IFT172: variants seen among roughly 807,000 people sequenced by gnomAD.
IFT172 encodes intraflagellar transport protein 172 homolog.
IFT172 carries 164 observed loss-of-function variants against 248.9 expected under a neutral mutation model. That is an observed-to-expected ratio of 0.66 (90% CI 0.58 to 0.75). The LOEUF (loss-of-function observed/expected upper bound fraction) is 0.75. Ranked by LOEUF, IFT172 falls within the 30% of genes least tolerant of loss-of-function variation. The pLI, the probability that IFT172 is intolerant of heterozygous loss-of-function variation, is 0.00. For synonymous variants in IFT172, 729 were observed against 791.6 expected, an observed-to-expected ratio of 0.92 and a Z score of 1.33; for missense variants, 1,950 against 2,192.4, an observed-to-expected ratio of 0.89 and a Z score of 2.21.
chr2:27,449,995 T>C lies in IFT172; in HGVS notation c.4050+3A>G, dbSNP rs1365187936. 1.2e-6 allele frequency: 2 copies of C among 1,608,302 alleles called. No individual in the cohort carries two copies. The highest frequency in any genetic ancestry group is 8.5e-7 in the Non-Finnish European group (1 of 1,174,884). The stretch of plus-strand genomic sequence containing the variant: ...TTCTGTTCCATCTCAGCATCCTACT[T>C]ACTGCACTGTGCTTTCCAATTCCAA... On this transcript the variant is annotated splice_donor_region_variant and intron_variant, in intron 36 of 47. Transcript: ENST00000260570.
In IFT172 at chr2:27,465,799, C is replaced by A; in HGVS notation, c.1776G>T (p.Leu592Phe). ...MEGVTTVAYT[L>F]DEGLIEFGTA... Reference sequence around the variant, plus strand: ...TTCCAAACTCGATGAGGCCCTCATCCAATGTGTAGGCAACAGTAGTCACAC... The same window carrying A: ...TTCCAAACTCGATGAGGCCCTCATCAAATGTGTAGGCAACAGTAGTCACAC... The change falls in exon 17 of 48, where the codon TTG (leucine) becomes TTT (phenylalanine). Residue 592 changes from leucine to phenylalanine, a missense_variant. Coordinates refer to ENST00000260570, the MANE Select transcript of IFT172 (RefSeq NM_015662.3). 6.2e-7 allele frequency: 1 copy of A among 1,614,102 alleles called. No homozygotes were observed. Among genetic ancestry groups the A allele is most frequent in the South Asian group, 1.1e-5 (1 of 91,076 alleles).
At chr2:27,479,880 C>T (rs186146957) in intron 9 of IFT172, 146 bp downstream of exon 9, 2 of 1,179,256 alleles carry the variant, frequency 1.7e-6, no homozygotes, top group East Asian at 2.6e-5. Flanking sequence ...TTTCTCTTTC[C>T]TGCCTTTAAT....
rs200049734 is a variant in IFT172, at chr2:27,445,296, C to T, written c.5068G>A (p.Gly1690Arg). Residue 1690 changes from glycine (G) to arginine (R), a missense_variant and splice_region_variant, in exon 46 of 48, where the codon GGA becomes AGA. Physicochemically the swap from Gly to Arg is moderately radical, Grantham distance 125. This residue lies in a region of IFT172 where 620 missense variants were observed against 699.0 expected (regional missense o/e 0.89). Coordinates refer to ENST00000260570, the MANE Select transcript of IFT172 (RefSeq NM_015662.3). The surrounding 1 kb of genome is among the most constrained non-coding windows in gnomAD (Gnocchi z 4.4). ...GVRALPCLIT[G>R]YPILRNKIEF... is the part of the protein sequence containing the mutation. ...TCTGGGGTGCTGTAGGCTTCTATACCTGTAATAAGGCAGGGCAGGGCTCGA... is the reference window on the plus strand; with the variant it reads ...TCTGGGGTGCTGTAGGCTTCTATACTTGTAATAAGGCAGGGCAGGGCTCGA... 1 of 1,610,758 alleles carries T rather than the reference C, an allele frequency of 6.2e-7. No homozygotes were observed.
At position 27,482,143 on chromosome 2, in the gene IFT172, C is replaced by T. The variant is rs538672820; in HGVS notation, c.571-883G>A. On this transcript the variant is annotated intron_variant, in intron 7 of 47. Coordinates refer to ENST00000260570, the MANE Select transcript of IFT172 (RefSeq NM_015662.3). Reference sequence around the variant, plus strand: ...GATTCCGGGCACGTTCCACCATGCCCGGCTAATTTTTATATTTTTAGTAGA... The same window carrying T: ...GATTCCGGGCACGTTCCACCATGCCTGGCTAATTTTTATATTTTTAGTAGA... 3.0e-4 allele frequency among the ~76,000 whole-genome samples: 45 copies of T among 151,204 alleles called. No individual in the cohort carries two copies. The East Asian group carries it at 7.9e-3, about 27-fold the overall frequency.
At chr2:27,482,481 C>T (rs934634786) in intron 7 of IFT172, among the ~76,000 whole-genome samples, 3 of 151,944 alleles carry the variant, frequency 2.0e-5, no homozygotes, top group South Asian at 4.2e-4. Context: ...TTAGTAGAGA[C>T]GGGTTTCACG....
intron 3 of IFT172, 140 bp downstream of exon 3, chr2:27,484,877 CA>C: frequency 1.6e-6 from 1 of 641,582 alleles, no homozygotes; most frequent in Non-Finnish European, 2.8e-6. Context: ...GGCAGAAAAG[CA>C]AAAACAGACT....
chr2:27,460,743 C>T (rs957790779), intron 23 of IFT172, among the ~76,000 whole-genome samples: 11 of 122,842 alleles, frequency 9.0e-5, no homozygotes, highest in Non-Finnish European at 1.7e-4. Context: ...GACACATCCC[C>T]CTCTTTGAGA....
intron 7 of IFT172, among the ~76,000 whole-genome samples, chr2:27,482,766 T>C (rs541445937): frequency 1.4e-4 from 21 of 152,284 alleles, no homozygotes; most frequent in Middle Eastern, 3.4e-3. Context: ...TTCATTACTC[T>C]AAGAGTTTTT....
intron 40 of IFT172, 25 bp from the exon 41 acceptor site, chr2:27,447,947 T>C: frequency 1.7e-4 from 216 of 1,246,000 alleles, no homozygotes; most frequent in Non-Finnish European, 2.3e-4. Context: ...AAGAAGGGGA[T>C]CTGAGAAGGG....
chr2:27,452,069 T>G (rs1331890106), intron 35 of IFT172, among the ~76,000 whole-genome samples: 1 of 152,092 alleles, frequency 6.6e-6, no homozygotes, highest in African/African-American at 2.4e-5. Context: ...TGGTCAAACA[T>G]TATTCTGGGT....
rs1320393372 is a variant in IFT172, at chr2:27,447,410, T to C, written c.4659+105A>G. 3.4e-5 allele frequency: 50 copies of C among 1,479,326 alleles called. 1 individual carries two copies. Among genetic ancestry groups the C allele is most frequent in the Non-Finnish European group, 4.6e-5 (50 of 1,096,808 alleles). The allele number at this position is 1,479,326 out of a possible 1,614,324, so 91.6% of individuals were successfully genotyped here. A position where few individuals can be genotyped will look rare whatever the true frequency, so the allele number is the denominator to read the frequency against. Reference sequence around the variant, plus strand: ...AGAAGCTGAAAGACAGGTGGGGAGATTCAAGAGCCCAAGCTGAAGAATCCA... The same window carrying C: ...AGAAGCTGAAAGACAGGTGGGGAGACTCAAGAGCCCAAGCTGAAGAATCCA... On this transcript the variant is annotated intron_variant, in intron 42 of 47. Transcript: ENST00000260570.
intron 18 of IFT172, among the ~76,000 whole-genome samples, chr2:27,464,131 C>CAAGGATGG (rs1666899614): frequency 6.6e-6 from 1 of 152,098 alleles, no homozygotes; most frequent in African/African-American, 2.4e-5. Flanking sequence ...GTGGTCTGCA[C>CAAGGATGG]AAGGATGGAG....
At chr2:27,485,826 G>T (rs551437016) in intron 1 of IFT172, among the ~76,000 whole-genome samples, 2 of 152,210 alleles carry the variant, frequency 1.3e-5, no homozygotes, top group African/African-American at 4.8e-5. Flanking sequence ...GGTAAGTTTT[G>T]GTCATTAGCC....
chr2:27,488,052 G>C (rs1443580638), intron 1 of IFT172, among the ~76,000 whole-genome samples: 1 of 152,094 alleles, frequency 6.6e-6, no homozygotes, highest in Non-Finnish European at 1.5e-5. Flanking sequence ...GTGTGATCAC[G>C]TCTCACTGCA....
chr2:27,458,087 C>T (rs775577808), intron 27 of IFT172, 39 bp downstream of exon 27: 3 of 1,611,804 alleles, frequency 1.9e-6, no homozygotes, highest in Middle Eastern at 1.6e-4. Context: ...GCCTTGAAAT[C>T]TCATCTCCCT....
chr2:27,481,270 A>C lies in IFT172; in HGVS notation c.571-10T>G. ...GGTTAACCAACTTCCCCTAAGACAG[A>C]AGTAGAGGGTTTCAATCACTCTTCG... On this transcript the variant is annotated splice_polypyrimidine_tract_variant and intron_variant, in intron 7 of 47. Transcript: ENST00000260570. 6.2e-7 allele frequency: 1 copy of C among 1,606,400 alleles called. No homozygotes were observed. The highest frequency in any genetic ancestry group is 8.5e-7 in the Non-Finnish European group (1 of 1,176,236).
In IFT172 at chr2:27,477,247, C is replaced by A; in HGVS notation, c.1295G>T (p.Arg432Leu). Residue 432 changes from arginine (R) to leucine (L), a missense_variant, in exon 13 of 48, where the codon CGC becomes CTC. This residue lies in a region of IFT172 where 1,166 missense variants were observed against 1,254.1 expected (regional missense o/e 0.93). Transcript: ENST00000260570. Reference protein sequence around the residue: ...YGNNDTLGSVRTEFMNPHLIS... With the variant: ...YGNNDTLGSVLTEFMNPHLIS... The stretch of plus-strand genomic sequence containing the variant: ...GAGGTGGGGGTTCATGAATTCAGTG[C>A]GTACAGAACCCAGGGTGTCATTATT... 6.2e-7 allele frequency: 1 copy of A among 1,614,058 alleles called. No individual in the cohort carries two copies. Among genetic ancestry groups the A allele is most frequent in the Non-Finnish European group, 8.5e-7 (1 of 1,179,958 alleles).
chr2:27,455,949 C>A (rs574480415), intron 30 of IFT172: 7 of 277,526 alleles, frequency 2.5e-5, no homozygotes, highest in Non-Finnish European at 4.2e-5. Context: ...CGCAGTGGCT[C>A]ACGCCTGTAA....
chr2:27,449,595 G>A lies in IFT172; in HGVS notation c.4161-33C>T, dbSNP rs1665468456. On this transcript the variant is annotated intron_variant, in intron 37 of 47. Coordinates refer to ENST00000260570, the MANE Select transcript of IFT172 (RefSeq NM_015662.3). ...GATGTTCAGAGAGCTCCATCTTCAT[G>A]TTCCAGAATACCAACCCTCCCGGTA... 3 of 1,613,736 alleles carry A rather than the reference G, an allele frequency of 1.9e-6. No individual in the cohort carries two copies. In the African/African-American group the frequency reaches 4.0e-5, roughly 22 times the overall value.
Sources: gnomAD v4.1 joint callset for allele counts (sites outside exome capture counted in the v4.1 genomes callset) on GRCh38, gnomAD v4.1.1 for gene constraint, gnomAD v4.1.1 regional missense constraint, Gnocchi (gnomAD v3.1) non-coding constraint, MANE v1.5 for transcripts, NCBI Gene and HGNC (gene_info 2026-07-23, HGNC 2026-07-21) for gene names.